PRKCB: variants seen among roughly 807,000 people sequenced by gnomAD.
PRKCB encodes protein kinase C beta type.
Under a neutral mutation model 81.5 loss-of-function variants are expected in PRKCB, and 13 were observed. That is an observed-to-expected ratio of 0.16 (90% CI 0.10 to 0.25). The LOEUF is 0.25. Among genes scored for constraint, PRKCB ranks in the 10% least tolerant of loss-of-function variants. The pLI is 1.00. For synonymous variants in PRKCB, 335 were observed against 321.4 expected (o/e 1.04, Z -0.45); for missense variants, 509 against 875.7 (o/e 0.58, Z 5.29).
chr16:23,859,748 A>G (rs1212958653), intron 2 of PRKCB, among the ~76,000 whole-genome samples: 1 of 152,104 alleles, frequency 6.6e-6, no homozygotes, highest in African/African-American at 2.4e-5. Flanking sequence ...TTTAGCTTGA[A>G]GAATAGAAAA....
intron 2 of PRKCB, among the ~76,000 whole-genome samples, chr16:23,965,152 C>A (rs1272974726): frequency 6.6e-6 from 1 of 152,160 alleles, no homozygotes; most frequent in Admixed American, 6.5e-5. Context: ...CCTCACCTTC[C>A]ACCCTCAAGG....
chr16:23,919,399 A>AC (rs1963790925), intron 2 of PRKCB, among the ~76,000 whole-genome samples: 1 of 151,578 alleles, frequency 6.6e-6, no homozygotes, highest in African/African-American at 2.4e-5. Flanking sequence ...AAAAAAAAAA[A>AC]ACCTCCAAAA....
intron 2 of PRKCB, among the ~76,000 whole-genome samples, chr16:23,978,572 G>A (rs965484273): frequency 6.6e-6 from 1 of 152,196 alleles, no homozygotes; most frequent in African/African-American, 2.4e-5. Flanking sequence ...TGGAAAAGAT[G>A]TGCACAATAG....
rs111255044 is a variant in PRKCB at position 24,004,492 on chromosome 16, A to G, written c.288+15902A>G. Among the ~76,000 whole-genome samples the G allele has an allele frequency of 1.3e-4, 20 of 151,154 alleles. 1 individual carries two copies. Among genetic ancestry groups the G allele is most frequent in the African/African-American group, 3.2e-4 (13 of 41,238 alleles). ...CCAAGTCTCTACAAAAAAAAAAAAA[A>G]AAAAAAGAAAAAATTAGCCAGGCAT... On this transcript the variant is annotated intron_variant, in intron 3 of 16. Coordinates refer to ENST00000643927, the MANE Select transcript of PRKCB (RefSeq NM_002738.7).
chr16:24,166,312 G>A (rs1967347290), intron 10 of PRKCB, among the ~76,000 whole-genome samples: 2 of 152,126 alleles, frequency 1.3e-5, no homozygotes. Flanking sequence ...TAAAAAATAA[G>A]TCAATTTTAG....
At chr16:24,034,265 T>C (rs1157176203) in intron 4 of PRKCB, among the ~76,000 whole-genome samples, 2 of 152,198 alleles carry the variant, frequency 1.3e-5, no homozygotes, top group Non-Finnish European at 2.9e-5. Flanking sequence ...AACTCATTTC[T>C]AGTTTTTGTA....
At chr16:24,113,237 T>C (rs1966697227) in intron 8 of PRKCB, among the ~76,000 whole-genome samples, 168 bp downstream of exon 8, 1 of 134,724 alleles carries the variant, frequency 7.4e-6, no homozygotes, top group South Asian at 2.2e-4. Flanking sequence ...TCTTTCTTTC[T>C]TGCTTACTTG....
intron 5 of PRKCB, among the ~76,000 whole-genome samples, chr16:24,073,864 C>T (rs1397845574): frequency 2.7e-5 from 4 of 148,664 alleles, no homozygotes; most frequent in African/African-American, 4.9e-5. Context: ...AAGTGATGGC[C>T]GGGCGTGGTG....
At chr16:23,949,217 AAAAG>A (rs754894241) in intron 2 of PRKCB, among the ~76,000 whole-genome samples, 23 of 152,236 alleles carry the variant, frequency 1.5e-4, no homozygotes, top group Admixed American at 2.0e-4. Context: ...ACGAACAAAC[AAAAG>A]AAAGAAAGAA....
At chr16:23,914,124 C>A (rs759012712) in intron 2 of PRKCB, among the ~76,000 whole-genome samples, 7 of 152,138 alleles carry the variant, frequency 4.6e-5, no homozygotes, top group Non-Finnish European at 1.0e-4. Context: ...TTCAGCCTCC[C>A]GAGTTCCTAA....
chr16:24,214,221 C>T (rs1374722354), intron 16 of PRKCB, among the ~76,000 whole-genome samples: 1 of 152,158 alleles, frequency 6.6e-6, no homozygotes, highest in Non-Finnish European at 1.5e-5. Flanking sequence ...ACTGGGATCT[C>T]CCAGGTGATG....
At chr16:24,200,289 A>G (rs1449638208) in intron 16 of PRKCB, among the ~76,000 whole-genome samples, 1 of 152,326 alleles carries the variant, frequency 6.6e-6, no homozygotes, top group East Asian at 1.9e-4. Flanking sequence ...CTTAATAAAA[A>G]TATCAACCTA....
At chr16:24,072,707 A>T (rs1966126666) in intron 5 of PRKCB, among the ~76,000 whole-genome samples, 1 of 151,732 alleles carries the variant, frequency 6.6e-6, no homozygotes, top group Non-Finnish European at 1.5e-5. Flanking sequence ...TCAGCCTCCC[A>T]AGTAGCTGGG....
intron 2 of PRKCB, among the ~76,000 whole-genome samples, chr16:23,926,093 G>A (rs565451349): frequency 4.6e-5 from 7 of 151,988 alleles, no homozygotes; most frequent in Non-Finnish European, 8.8e-5. Context: ...TGAGCAACTT[G>A]GTGAGACTCC....
chr16:23,867,039 TCCTTCCTTCCTTC>T (rs1361997052), intron 2 of PRKCB, among the ~76,000 whole-genome samples: 2,029 of 97,014 alleles, frequency 0.021, 24 homozygotes, highest in Middle Eastern at 0.056. Context: ...CTTCCTTCCT[TCCTTCCTTCCTTC>T]TCTCTCTCTC....
At chr16:23,902,659 A>C (rs965868392) in intron 2 of PRKCB, among the ~76,000 whole-genome samples, 1 of 152,010 alleles carries the variant, frequency 6.6e-6, no homozygotes, top group South Asian at 2.1e-4. Context: ...CACAGTAATG[A>C]TGGTAACTGT....
At chr16:23,901,268 T>A (rs1278577552) in intron 2 of PRKCB, among the ~76,000 whole-genome samples, 1 of 152,122 alleles carries the variant, frequency 6.6e-6, no homozygotes, top group East Asian at 1.9e-4. Context: ...CAGTCCTTTA[T>A]GATCGATCAT....
chr16:24,082,570 T>C (rs188765342), intron 5 of PRKCB, among the ~76,000 whole-genome samples: 80 of 152,278 alleles, frequency 5.3e-4, no homozygotes, highest in Non-Finnish European at 7.8e-4. Flanking sequence ...ATACGGCCTA[T>C]TGATTTTCAA....
At chr16:23,964,213 G>A (rs1018946582) in intron 2 of PRKCB, among the ~76,000 whole-genome samples, 14 of 152,232 alleles carry the variant, frequency 9.2e-5, no homozygotes, top group East Asian at 5.8e-4. Flanking sequence ...TGGCAGTGAA[G>A]ATGGGGAACA....
Sources: allele counts gnomAD v4.1 joint callset (sites outside exome capture counted in the v4.1 genomes callset), GRCh38; gene constraint gnomAD v4.1.1; transcripts MANE v1.5; gene names NCBI Gene and HGNC (gene_info 2026-07-23, HGNC 2026-07-21).